SEPTIN7: variants seen among roughly 807,000 people sequenced by gnomAD.
SEPTIN7 encodes septin-7.
In SEPTIN7, 10 loss-of-function variants were observed where a neutral mutation model predicts 63.3. The observed-to-expected ratio is 0.16, with a 90% CI of 0.10 to 0.27. The LOEUF is 0.27. SEPTIN7 is among the 10% of genes least tolerant of loss of function. The pLI is 1.00. For synonymous variants in SEPTIN7, 131 were observed against 165.3 expected (o/e 0.79, Z 1.59); for missense variants, 310 against 521.0 (o/e 0.59, Z 3.94).
At chr7:35,876,228 T>C (rs1026012115) in intron 6 of SEPTIN7, among the ~76,000 whole-genome samples, 1 of 152,196 alleles carries the variant, frequency 6.6e-6, no homozygotes, top group African/African-American at 2.4e-5. Flanking sequence ...TTATAATAAA[T>C]ACTCAGCAAG....
chr7:35,902,554 C>G (rs925722276), intron 12 of SEPTIN7: 6 of 152,176 alleles, frequency 3.9e-5, no homozygotes, highest in African/African-American at 1.4e-4. Flanking sequence ...AATCAGAGTA[C>G]TTTGCTGGCA....
intron 1 of SEPTIN7, among the ~76,000 whole-genome samples, chr7:35,826,055 A>G (rs1412695528): frequency 6.6e-6 from 1 of 152,066 alleles, no homozygotes; most frequent in Admixed American, 6.5e-5. Flanking sequence ...GTAATCTTGT[A>G]ATATTTTAGT....
At chr7:35,908,772 G>A (rs1320576838), downstream of SEPTIN7, among the ~76,000 whole-genome samples, 2 of 152,246 alleles carry the variant, frequency 1.3e-5, no homozygotes, top group Non-Finnish European at 2.9e-5. Context: ...TTCACCGGGA[G>A]ATTTGCACGT....
At chr7:35,872,599 A>G (rs200696736) in intron 4 of SEPTIN7, 67 bp from the exon 5 acceptor site, 47 of 1,231,026 alleles carry the variant, frequency 3.8e-5, no homozygotes, top group Non-Finnish European at 1.4e-5. Context: ...CGTCCCTACC[A>G]TCACCCCTTG....
intron 5 of SEPTIN7, among the ~76,000 whole-genome samples, chr7:35,873,352 G>A (rs1171771088): frequency 5.3e-5 from 8 of 151,740 alleles, no homozygotes; most frequent in Admixed American, 1.3e-4. Context: ...GCATATAATT[G>A]TTTTCATATT....
At chr7:35,827,070 C>T (rs118143583) in intron 1 of SEPTIN7, among the ~76,000 whole-genome samples, 2,594 of 152,070 alleles carry the variant, frequency 0.017, 32 homozygotes, top group Non-Finnish European at 0.024. Flanking sequence ...GTGGAGTTAC[C>T]GTAGTTTGAT....
At chr7:35,845,636 T>C (rs1243667178) in intron 3 of SEPTIN7, among the ~76,000 whole-genome samples, 4 of 152,240 alleles carry the variant, frequency 2.6e-5, no homozygotes, top group Admixed American at 1.3e-4. Context: ...CTGTCTATTC[T>C]GTGCAGGTAA....
At chr7:35,892,725 C>G (rs189035767) in intron 11 of SEPTIN7, among the ~76,000 whole-genome samples, 7 of 151,916 alleles carry the variant, frequency 4.6e-5, no homozygotes, top group African/African-American at 1.7e-4. Context: ...ATACAAAATT[C>G]TACTGTGTGG....
At chr7:35,846,017 T>C (rs1784649710) in intron 3 of SEPTIN7, among the ~76,000 whole-genome samples, 1 of 152,168 alleles carries the variant, frequency 6.6e-6, no homozygotes, top group Non-Finnish European at 1.5e-5. Flanking sequence ...TTTCTTCCTA[T>C]AAAAACTAGG....
intron 1 of SEPTIN7, among the ~76,000 whole-genome samples, chr7:35,823,909 A>G (rs1366363360): frequency 1.3e-5 from 2 of 151,872 alleles, no homozygotes; most frequent in African/African-American, 4.8e-5. Context: ...ACTTAGGGAA[A>G]ATCCTGTCCT....
intron 1 of SEPTIN7, among the ~76,000 whole-genome samples, chr7:35,820,577 T>A (rs1789352540): frequency 6.6e-6 from 1 of 152,192 alleles, no homozygotes. Context: ...TTTTAAAAAA[T>A]TATCTTTTTT....
At chr7:35,841,474 C>T (rs1420484596) in intron 3 of SEPTIN7, among the ~76,000 whole-genome samples, 6 of 152,072 alleles carry the variant, frequency 3.9e-5, no homozygotes, top group Admixed American at 3.9e-4. Flanking sequence ...ACACAGCTAT[C>T]CTTTCTTTTG....
intron 1 of SEPTIN7, among the ~76,000 whole-genome samples, chr7:35,807,812 T>G (rs1382472052): frequency 6.7e-6 from 1 of 149,132 alleles, no homozygotes; most frequent in Non-Finnish European, 1.5e-5. Flanking sequence ...TTTAAAAATT[T>G]TATTGGGAGG....
At chr7:35,855,328 T>TA (rs1298320082) in intron 3 of SEPTIN7, among the ~76,000 whole-genome samples, 2 of 152,206 alleles carry the variant, frequency 1.3e-5, no homozygotes, top group African/African-American at 4.8e-5. Context: ...TGTTCGTAGT[T>TA]ACAAACAGTG....
rs765776685 is a variant in SEPTIN7, at chr7:35,801,221, T to G, written c.12T>G (p.Ser4Arg). 6.5e-7 allele frequency: 1 copy of G among 1,531,984 alleles called. No individual in the cohort carries two copies. Among genetic ancestry groups the G allele is most frequent in the Non-Finnish European group, 8.8e-7 (1 of 1,140,042 alleles). 94.9% of individuals were successfully genotyped at this position (1,531,984 alleles called of 1,614,324 possible). The part of the protein sequence containing the change: MSV[S>R]ARSAAAEERS... ...GAGGGGGGGAGGGGATGTCGGTCAGTGCGAGATCCGCTGCTGCTGAGGAGA... is the reference window on the plus strand; with the variant it reads ...GAGGGGGGGAGGGGATGTCGGTCAGGGCGAGATCCGCTGCTGCTGAGGAGA... The change falls in exon 1 of 14, where the codon AGT becomes AGG. Residue 4 changes from serine (S) to arginine (R), a missense_variant. Transcript: ENST00000350320.
chr7:35,832,446 G>A (rs1783877192), intron 2 of SEPTIN7, among the ~76,000 whole-genome samples: 2 of 151,974 alleles, frequency 1.3e-5, no homozygotes, highest in South Asian at 4.1e-4. Flanking sequence ...AAGGGGATTT[G>A]AATTTTTTTA....
chr7:35,887,275 T>G (rs139704383), intron 10 of SEPTIN7, among the ~76,000 whole-genome samples: 25 of 152,362 alleles, frequency 1.6e-4, no homozygotes, highest in African/African-American at 4.1e-4. Context: ...AACTTTTTCT[T>G]GTGTATTTTA....
Position 35,890,798 on chromosome 7 carries a change from G to A in SEPTIN7, c.998+5G>A. ...GAATAAAGGGCAGCTGACTAAGTAA[G>A]TATATATTTTTTTCTCCAAAAAGGT... On this transcript the variant is annotated splice_donor_5th_base_variant and intron_variant, in intron 11 of 13. Coordinates refer to ENST00000350320, the MANE Select transcript of SEPTIN7 (RefSeq NM_001788.6). 6.5e-7 allele frequency: 1 copy of A among 1,533,216 alleles called. No homozygotes were observed. The highest frequency in any genetic ancestry group is 8.7e-7 in the Non-Finnish European group (1 of 1,148,924). The allele number at this position is 1,533,216 out of a possible 1,614,324, so 95.0% of individuals were successfully genotyped here. A position where few individuals can be genotyped will look rare whatever the true frequency, so the allele number is the denominator to read the frequency against.
intron 4 of SEPTIN7, among the ~76,000 whole-genome samples, chr7:35,865,400 C>T (rs1785757515): frequency 6.6e-6 from 1 of 152,114 alleles, no homozygotes; most frequent in Non-Finnish European, 1.5e-5. Flanking sequence ...CATACATATA[C>T]TTTTTTATAT....
Sources: allele counts gnomAD v4.1 joint callset (sites outside exome capture counted in the v4.1 genomes callset), GRCh38; gene constraint gnomAD v4.1.1; transcripts MANE v1.5; gene names NCBI Gene and HGNC (gene_info 2026-07-23, HGNC 2026-07-21).